KLRG1: variants seen among roughly 807,000 people sequenced by gnomAD.
KLRG1 encodes killer cell lectin like receptor G1.
In KLRG1, 16 loss-of-function variants were observed where a neutral mutation model predicts 21.8. The observed-to-expected ratio is 0.73, with a 90% CI of 0.50 to 1.11. The LOEUF is 1.11. KLRG1 is among the 50% of genes most tolerant of loss of function. The probability of loss-of-function intolerance (pLI) is 0.00; values close to 1 mark genes in which losing one functional copy is unlikely to be tolerated. For missense variants in KLRG1, 173 were observed against 218.3 expected (o/e 0.79, Z 1.31); for synonymous variants, 69 against 75.9 (o/e 0.91, Z 0.47).
chr12:9,046,620 A>G, the KLRG1 span, among the ~76,000 whole-genome samples: 1 of 152,230 alleles, frequency 6.6e-6, no homozygotes, highest in African/African-American at 2.4e-5. Context: ...AAGCATTGAA[A>G]GAAAAAAGTC....
the KLRG1 span, chr12:9,153,032 G>A: frequency 8.1e-6 from 13 of 1,604,166 alleles, no homozygotes; most frequent in African/African-American, 1.2e-4. Context: ...CTCCAGAGGT[G>A]CCTTTTACTT....
the KLRG1 span, among the ~76,000 whole-genome samples, chr12:9,129,414 A>C: frequency 5.9e-5 from 9 of 152,092 alleles, no homozygotes; most frequent in East Asian, 1.5e-3. Flanking sequence ...CTCTGACTAT[A>C]AAAAGTAATG....
Position 8,957,542 on chromosome 12 carries a change from T to G in KLRG1, c.-156+7306T>G, listed in dbSNP as rs906670200. 2.5e-4 allele frequency among the ~76,000 whole-genome samples: 37 copies of G among 147,316 alleles called. 1 individual carries two copies. Among genetic ancestry groups the G allele is most frequent in the Admixed American group, 4.7e-4 (7 of 15,046 alleles). ...TTGTTTGTTTTGTTTTGTTTTTTTG[T>G]TTTTTGTTTTTTTTTAGTAAGTCAA... On this transcript the variant is annotated intron_variant, in intron 1 of 4. Transcript: ENST00000539240.
At chr12:9,200,262 T>C in the KLRG1 span, 1 of 703,498 alleles carries the variant, frequency 1.4e-6, no homozygotes, top group African/African-American at 1.8e-5. Context: ...GGAGTAATAT[T>C]ACAAAAGTGC....
chr12:9,064,638 C>T, the KLRG1 span: 1 of 154,050 alleles, frequency 6.5e-6, no homozygotes, highest in Admixed American at 6.5e-5. The surrounding 1 kb of genome is among the most constrained non-coding windows in gnomAD (Gnocchi z 4.0). Context: ...TGGAAGCCGC[C>T]ACGATGGACC....
rs748001813 is a variant in KLRG1 at position 9,009,810 on chromosome 12, C to T, written c.*273C>T. The T allele has an allele frequency of 6.1e-5, 87 of 1,424,318 alleles. No individual in the cohort carries two copies. The East Asian group carries it at 2.1e-3, about 34-fold the overall frequency. 88.2% of individuals were successfully genotyped at this position (1,424,318 alleles called of 1,614,324 possible). A position where few individuals can be genotyped will look rare whatever the true frequency, so the allele number is the denominator to read the frequency against. On this transcript the variant is annotated 3_prime_UTR_variant, in exon 5 of 5. Coordinates refer to ENST00000356986, the MANE Select transcript of KLRG1 (RefSeq NM_005810.4). ...TTTTTTGTATTTCTCAGTATGGAAACTAATGCTGCCACTCTCATCCCCGTC... is the reference window on the plus strand; with the variant it reads ...TTTTTTGTATTTCTCAGTATGGAAATTAATGCTGCCACTCTCATCCCCGTC...
the KLRG1 span, among the ~76,000 whole-genome samples, chr12:9,131,364 T>C: frequency 6.6e-6 from 1 of 152,220 alleles, no homozygotes; most frequent in South Asian, 2.1e-4. Context: ...AAAATATATG[T>C]TGGGGACAGC....
the KLRG1 span, among the ~76,000 whole-genome samples, chr12:9,209,960 A>G: frequency 6.6e-6 from 1 of 152,108 alleles, no homozygotes; most frequent in Non-Finnish European, 1.5e-5. Flanking sequence ...CTGTTACTCT[A>G]TTCCCCTAGT....
chr12:9,152,930 G>T, the KLRG1 span: 1 of 1,614,120 alleles, frequency 6.2e-7, no homozygotes, highest in South Asian at 1.1e-5. Flanking sequence ...TTCTCTGGAA[G>T]AATATTGTAT....
chr12:9,053,579 A>G, the KLRG1 span, among the ~76,000 whole-genome samples: 1 of 152,134 alleles, frequency 6.6e-6, no homozygotes, highest in Admixed American at 6.5e-5. Flanking sequence ...AACCATCCCT[A>G]TAAACTTTAT....
chr12:9,185,420 A>G, the KLRG1 span, among the ~76,000 whole-genome samples: 2 of 152,210 alleles, frequency 1.3e-5, no homozygotes, highest in East Asian at 1.9e-4. Flanking sequence ...CCTCTGAGAA[A>G]TCTGGGATTA....
the KLRG1 span, chr12:9,074,510 A>C: frequency 6.6e-7 from 1 of 1,511,962 alleles, no homozygotes; most frequent in African/African-American, 1.4e-5. Context: ...TTTTCATTCA[A>C]ATCTTTTGCT....
intron 1 of KLRG1, among the ~76,000 whole-genome samples, chr12:8,983,895 G>C (rs1007385841): frequency 2.0e-5 from 3 of 152,008 alleles, no homozygotes; most frequent in African/African-American, 7.3e-5. Context: ...TTTTCCTTCT[G>C]TTTATCTTGA....
chr12:9,010,667 T>C lies in KLRG1; in HGVS notation c.*1130T>C, dbSNP rs1947617264. ...TTTTTTTAAAAACATGGACTGTATC[T>C]TATCTACCACTATATCCCAAATACC... On this transcript the variant is annotated 3_prime_UTR_variant, in exon 5 of 5. Coordinates refer to ENST00000356986, the MANE Select transcript of KLRG1 (RefSeq NM_005810.4). The C allele has an allele frequency of 6.6e-6, 1 of 152,228 alleles. No individual in the cohort carries two copies. The highest frequency in any genetic ancestry group is 1.5e-5 in the Non-Finnish European group (1 of 68,050). The allele number at this position is 152,228 out of a possible 1,614,324, so 9.4% of individuals were successfully genotyped here.
chr12:9,003,802 A>G (rs770988348), intron 3 of KLRG1, among the ~76,000 whole-genome samples: 2 of 152,004 alleles, frequency 1.3e-5, no homozygotes, highest in African/African-American at 4.8e-5. Context: ...TGCTGCACCC[A>G]TTAACTCGTT....
the KLRG1 span, among the ~76,000 whole-genome samples, chr12:9,084,242 C>A: frequency 6.6e-6 from 1 of 151,986 alleles, no homozygotes; most frequent in Non-Finnish European, 1.5e-5. Context: ...TACAAAAACA[C>A]AAAAGCACAA....
chr12:9,152,176 A>C, the KLRG1 span: 1 of 1,353,092 alleles, frequency 7.4e-7, no homozygotes, highest in Middle Eastern at 2.0e-4. Context: ...GGGGATACAG[A>C]ACATACTTTT....
At position 8,952,251 on chromosome 12, in the gene KLRG1, A is replaced by G. The variant is rs117559665; in HGVS notation, c.-156+2015A>G. Among the ~76,000 whole-genome samples, 289 of 152,344 alleles carry G rather than the reference A, an allele frequency of 1.9e-3. 7 individuals are homozygous for G. The East Asian group carries it at 0.043, about 23-fold the overall frequency. ...GTTGGTCTGAAATCAAATGGGAAGG[A>G]TGCCTCCTGTTCTGTATAATCATAA... On this transcript the variant is annotated intron_variant, in intron 1 of 4. Transcript: ENST00000539240.
At chr12:9,007,307 C>T (rs916694959) in intron 3 of KLRG1, among the ~76,000 whole-genome samples, 1 of 152,200 alleles carries the variant, frequency 6.6e-6, no homozygotes, top group Non-Finnish European at 1.5e-5. Flanking sequence ...GTCACCCAGG[C>T]TGGAGTGCAG....
Sources: allele counts gnomAD v4.1 joint callset (sites outside exome capture counted in the v4.1 genomes callset), GRCh38; gene constraint gnomAD v4.1.1; non-coding constraint Gnocchi (gnomAD v3.1); transcripts MANE v1.5; gene names NCBI Gene and HGNC (gene_info 2026-07-23, HGNC 2026-07-21).